The following MGAT4C variants were observed in gnomAD, a reference collection of about 807,000 sequenced individuals.
MGAT4C encodes MGAT4 family member C.
In MGAT4C, 19 loss-of-function variants were observed where a neutral mutation model predicts 40.1. The ratio of observed to expected loss-of-function variants is 0.47; its 90% confidence interval spans 0.33 to 0.70. MGAT4C has a LOEUF of 0.70. MGAT4C is among the 30% of genes least tolerant of loss of function. The pLI is 0.02. For synonymous variants in MGAT4C, 181 were observed against 187.1 expected, an observed-to-expected ratio of 0.97 and a Z score of 0.27; for missense variants, 491 against 563.2, an observed-to-expected ratio of 0.87 and a Z score of 1.30.
intron 2 of MGAT4C, among the ~76,000 whole-genome samples, chr12:86,599,935 T>G (rs1961702449): frequency 6.6e-6 from 1 of 152,168 alleles, no homozygotes; most frequent in Admixed American, 6.5e-5. Context: ...TTTGTTTTGT[T>G]TTGTTTCCTT....
chr12:86,390,019 C>T (rs1297749935), intron 3 of MGAT4C, among the ~76,000 whole-genome samples: 1 of 152,144 alleles, frequency 6.6e-6, no homozygotes, highest in Non-Finnish European at 1.5e-5. Context: ...TCTTAGAGAG[C>T]ATGCACTTTT....
intron 2 of MGAT4C, among the ~76,000 whole-genome samples, chr12:86,656,954 AT>A (rs2136542762): frequency 6.6e-6 from 1 of 152,174 alleles, no homozygotes; most frequent in Non-Finnish European, 1.5e-5. Flanking sequence ...GATTCTAACA[AT>A]TTTGAAAGCC....
chr12:86,012,676 C>G lies in MGAT4C; in HGVS notation c.-6-23124G>C, dbSNP rs1050998378. Among the ~76,000 whole-genome samples, 11 of 151,866 alleles carry G rather than the reference C, an allele frequency of 7.2e-5. No individual in the cohort carries two copies. The South Asian group carries it at 2.3e-3, about 32-fold the overall frequency. ...CTGAGGCAGGAGAATCGCTTGAACC[C>G]GGGAAGCAGAAATTTCAGTGAGCTG... On this transcript the variant is annotated intron_variant, in intron 2 of 4. Coordinates refer to ENST00000611864, the MANE Select transcript of MGAT4C (RefSeq NM_001351288.2).
intron 2 of MGAT4C, among the ~76,000 whole-genome samples, chr12:86,457,549 C>G (rs891216837): frequency 7.9e-5 from 12 of 151,982 alleles, no homozygotes; most frequent in Non-Finnish European, 1.5e-4. Context: ...GCTTTCAGGT[C>G]ATGATAAAAA....
intron 1 of MGAT4C, among the ~76,000 whole-genome samples, chr12:86,085,251 T>C (rs1348114610): frequency 6.6e-6 from 1 of 152,148 alleles, no homozygotes; most frequent in Non-Finnish European, 1.5e-5. Flanking sequence ...CAATTGCTTT[T>C]GGTGTTTTAG....
At chr12:86,828,175 T>C (rs1243405107) in intron 1 of MGAT4C, among the ~76,000 whole-genome samples, 1 of 151,148 alleles carries the variant, frequency 6.6e-6, no homozygotes, top group Non-Finnish European at 1.5e-5. Context: ...AAGCTAATTA[T>C]TTGTAGATTT....
intron 1 of MGAT4C, among the ~76,000 whole-genome samples, chr12:86,794,286 A>C (rs747123231): frequency 2.6e-4 from 40 of 151,700 alleles, no homozygotes; most frequent in Non-Finnish European, 5.5e-4. Flanking sequence ...ATGTTTAATA[A>C]TCTTGCTCAA....
rs1566008825 is a variant in MGAT4C, at chr12:86,814,255, C to CACATATATATACATATACGTATATATAT, written c.-262+24383_-262+24410dup. 2.3e-4 allele frequency among the ~76,000 whole-genome samples: 33 copies of CACATATATATACATATACGTATATATAT among 140,744 alleles called. 2 individuals carry two copies. Among genetic ancestry groups the CACATATATATACATATACGTATATATAT allele is most frequent in the Non-Finnish European group, 4.1e-4 (27 of 65,190 alleles). 92.3% of individuals were successfully genotyped at this position (140,744 alleles called of 152,430 possible). A position where few individuals can be genotyped will look rare whatever the true frequency, so the allele number is the denominator to read the frequency against. ...TTTGGCATATACGTGTATATATATACACATATATATACATATACGTATATA... is the reference window on the plus strand; with the variant it reads ...TTTGGCATATACGTGTATATATATACACATATATATACATATACGTATATATATACATATATATACATATACGTATATA... On this transcript the variant is annotated intron_variant, in intron 1 of 7. Coordinates refer to the MGAT4C transcript ENST00000548651.
At chr12:86,788,139 A>T (rs11104088) in intron 1 of MGAT4C, among the ~76,000 whole-genome samples, 109,093 of 150,244 alleles carry the variant, frequency 0.73, 41,403 homozygotes, top group South Asian at 0.85. Context: ...TATATATATA[A>T]CACCCACATA....
At chr12:86,405,024 G>A (rs1565737164) in intron 3 of MGAT4C, among the ~76,000 whole-genome samples, 1 of 151,852 alleles carries the variant, frequency 6.6e-6, no homozygotes, top group East Asian at 1.9e-4. Flanking sequence ...CTTTAAAGGG[G>A]TGAAATTACA....
At chr12:86,009,676 T>C (rs1888264272) in intron 2 of MGAT4C, among the ~76,000 whole-genome samples, 2 of 152,338 alleles carry the variant, frequency 1.3e-5, no homozygotes, top group East Asian at 1.9e-4. Flanking sequence ...GCTTTTCTTT[T>C]AGTTGTTTAA....
At chr12:86,707,528 C>CTTT (rs755566527) in intron 2 of MGAT4C, among the ~76,000 whole-genome samples, 29 of 132,842 alleles carry the variant, frequency 2.2e-4, no homozygotes, top group Non-Finnish European at 4.0e-4. Flanking sequence ...TTTTTCTTTT[C>CTTT]TTTTTTTTTT....
chr12:86,621,211 T>C (rs889551749), intron 2 of MGAT4C, among the ~76,000 whole-genome samples: 2 of 152,242 alleles, frequency 1.3e-5, no homozygotes, highest in Middle Eastern at 3.4e-3. Context: ...AAAAAATAGA[T>C]ATAAATATAA....
At chr12:86,336,376 C>CTTGCCTGTTTAACTCTAAGTGCAAT in intron 3 of MGAT4C, among the ~76,000 whole-genome samples, 1 of 152,256 alleles carries the variant, frequency 6.6e-6, no homozygotes, top group African/African-American at 2.4e-5. Context: ...ATAAATCTTC[C>CTTGCCTGTTTAACTCTAAGTGCAAT]TTGCCTGTTT....
chr12:86,443,942 ATTC>A (rs746775498), intron 2 of MGAT4C, among the ~76,000 whole-genome samples: 43 of 152,014 alleles, frequency 2.8e-4, no homozygotes, highest in Admixed American at 9.8e-4. Context: ...TCTCATGCTA[ATTC>A]TTCTTATTCA....
intron 2 of MGAT4C, among the ~76,000 whole-genome samples, chr12:86,509,579 T>G (rs1958536212): frequency 1.3e-5 from 2 of 152,102 alleles, no homozygotes; most frequent in African/African-American, 4.8e-5. Context: ...TTAAAGTAGT[T>G]TTTTCCAATT....
intron 1 of MGAT4C, among the ~76,000 whole-genome samples, chr12:86,754,776 T>G (rs1951274417): frequency 6.6e-6 from 1 of 152,170 alleles, no homozygotes; most frequent in Non-Finnish European, 1.5e-5. Context: ...ATTAGTGATG[T>G]TTTGATCAAA....
At chr12:86,694,290 T>C (rs1950219247) in intron 2 of MGAT4C, among the ~76,000 whole-genome samples, 1 of 152,206 alleles carries the variant, frequency 6.6e-6, no homozygotes, top group Non-Finnish European at 1.5e-5. Context: ...ATGGCTTTTT[T>C]ATATGTCCAA....
chr12:86,396,481 C>A (rs1003741233), intron 3 of MGAT4C, among the ~76,000 whole-genome samples: 1 of 152,104 alleles, frequency 6.6e-6, no homozygotes, highest in African/African-American at 2.4e-5. Context: ...GCATTTGACC[C>A]GCAGCAGGAA....
Sources: allele counts gnomAD v4.1 joint callset (sites outside exome capture counted in the v4.1 genomes callset), GRCh38; gene constraint gnomAD v4.1.1; transcripts MANE v1.5; gene names NCBI Gene and HGNC (gene_info 2026-07-23, HGNC 2026-07-21).